Variants in ULK4 observed in about 807,000 individuals in gnomAD.
The protein encoded by ULK4 is unc-51 like kinase 4, also known as inactive serine/threonine-protein kinase ULK4.
In ULK4, 133 loss-of-function variants were observed where a neutral mutation model predicts 160.6. The ratio of observed to expected loss-of-function variants is 0.83; its 90% CI spans 0.72 to 0.96. The LOEUF (loss-of-function observed/expected upper bound fraction) is 0.96, where lower values mean the gene tolerates loss of function less well. ULK4 is among the 40% of genes least tolerant of loss of function. The pLI, the probability that ULK4 is intolerant of heterozygous loss-of-function variation, is 0.00. For synonymous variants in ULK4, 534 were observed against 539.8 expected (o/e 0.99, Z 0.15); for missense variants, 1,580 against 1,499.5 (o/e 1.05, Z -0.89).
intron 35 of ULK4, among the ~76,000 whole-genome samples, chr3:41,291,335 A>AGAAG (rs1261867631): frequency 6.6e-6 from 1 of 150,830 alleles, no homozygotes; most frequent in Non-Finnish European, 1.5e-5. Flanking sequence ...AGAAAGAGAA[A>AGAAG]GAAGGAAGGA....
intron 2 of ULK4, among the ~76,000 whole-genome samples, chr3:41,947,575 T>G (rs1220333206): frequency 1.3e-5 from 2 of 152,198 alleles, no homozygotes; most frequent in Non-Finnish European, 2.9e-5. Context: ...AGGATGATAC[T>G]GACATCATAG....
intron 32 of ULK4, among the ~76,000 whole-genome samples, chr3:41,504,376 T>G (rs1323196756): frequency 1.3e-5 from 2 of 152,208 alleles, no homozygotes; most frequent in Non-Finnish European, 2.9e-5. Flanking sequence ...GCAGCTGAAA[T>G]TAGTTCTCAA....
chr3:41,718,774 A>G (rs2037356517), intron 22 of ULK4, among the ~76,000 whole-genome samples: 1 of 152,216 alleles, frequency 6.6e-6, no homozygotes, highest in South Asian at 2.1e-4. Context: ...TTTATACATA[A>G]TATACATATA....
chr3:41,363,438 T>C (rs2081188129), intron 35 of ULK4, among the ~76,000 whole-genome samples: 1 of 152,178 alleles, frequency 6.6e-6, no homozygotes, highest in Non-Finnish European at 1.5e-5. Context: ...GCTGGGAGGT[T>C]CTGGCCTGGG....
At position 41,400,426 on chromosome 3, in the gene ULK4, A is replaced by T. The variant is rs114459946; in HGVS notation, c.3493-2162T>A. 2.5e-3 allele frequency among the ~76,000 whole-genome samples: 377 copies of T among 152,272 alleles called. 1 individual carries two copies. Among genetic ancestry groups the T allele is most frequent in the African/African-American group, 8.4e-3 (348 of 41,558 alleles). ...GCCATTTTGTCATTTCAAGTATGTT[A>T]CATACATGGAATCACACTGTATATA... On this transcript the variant is annotated intron_variant, in intron 34 of 36. Transcript: ENST00000301831.
intron 33 of ULK4, among the ~76,000 whole-genome samples, chr3:41,459,885 C>T (rs1365771722): frequency 2.0e-5 from 3 of 152,072 alleles, no homozygotes; most frequent in Non-Finnish European, 4.4e-5. Context: ...CTTTGAATGT[C>T]TCAGCAAGGA....
At chr3:41,901,219 C>T (rs961224245) in intron 12 of ULK4, among the ~76,000 whole-genome samples, 1 of 144,514 alleles carries the variant, frequency 6.9e-6, no homozygotes, top group Non-Finnish European at 1.5e-5. Flanking sequence ...TCGCTCTGTC[C>T]CCCAGGCTGG....
At chr3:41,586,621 T>C (rs963172264) in intron 31 of ULK4, among the ~76,000 whole-genome samples, 4 of 152,130 alleles carry the variant, frequency 2.6e-5, no homozygotes, top group East Asian at 1.9e-4. Flanking sequence ...CATTTAAAAA[T>C]TGTTAAAATG....
chr3:41,855,369 G>A (rs1004465659), intron 17 of ULK4, among the ~76,000 whole-genome samples: 1 of 152,204 alleles, frequency 6.6e-6, no homozygotes, highest in Non-Finnish European at 1.5e-5. Flanking sequence ...CTGCCACACT[G>A]TTGTGGCAGG....
intron 35 of ULK4, among the ~76,000 whole-genome samples, chr3:41,373,165 C>T (rs1052735196): frequency 1.3e-5 from 2 of 152,192 alleles, no homozygotes; most frequent in Non-Finnish European, 2.9e-5. Flanking sequence ...TACAAAGAGA[C>T]TTAGACTGCC....
intron 35 of ULK4, among the ~76,000 whole-genome samples, chr3:41,269,486 T>G (rs979544549): frequency 1.3e-5 from 2 of 151,972 alleles, no homozygotes; most frequent in African/African-American, 4.8e-5. Flanking sequence ...CTCCCTTAAT[T>G]GAGGATATTA....
intron 31 of ULK4, among the ~76,000 whole-genome samples, chr3:41,572,703 T>G (rs2088022932): frequency 6.6e-6 from 1 of 150,772 alleles, no homozygotes; most frequent in South Asian, 2.1e-4. Flanking sequence ...GAGGCGGAGC[T>G]TGCAATGGGC....
At chr3:41,473,661 CAAAGAAAAA>C (rs1316012592) in intron 32 of ULK4, among the ~76,000 whole-genome samples, 1 of 25,292 alleles carries the variant, frequency 4.0e-5, no homozygotes, top group Non-Finnish European at 7.2e-5. Context: ...GATTCTGTCT[CAAAGAAAAA>C]AAAAAAAAAA....
At chr3:41,320,810 A>G (rs1300471943) in intron 35 of ULK4, among the ~76,000 whole-genome samples, 4 of 152,104 alleles carry the variant, frequency 2.6e-5, no homozygotes, top group Non-Finnish European at 5.9e-5. Context: ...CCAGCTACTC[A>G]GGAGGCTGAG....
chr3:41,465,687 T>G (rs889374490), intron 32 of ULK4, among the ~76,000 whole-genome samples: 15 of 152,328 alleles, frequency 9.8e-5, no homozygotes, highest in African/African-American at 3.1e-4. Context: ...AATTGGTAAT[T>G]GCACCTAGAG....
chr3:41,358,629 T>C (rs1391890060), intron 35 of ULK4, among the ~76,000 whole-genome samples: 3 of 152,094 alleles, frequency 2.0e-5, no homozygotes, highest in African/African-American at 7.2e-5. Flanking sequence ...ACAAGTATAC[T>C]TGGTGTGCCT....
At chr3:41,531,141 A>G (rs981866299) in intron 32 of ULK4, among the ~76,000 whole-genome samples, 1 of 150,414 alleles carries the variant, frequency 6.6e-6, no homozygotes, top group Non-Finnish European at 1.5e-5. Flanking sequence ...ACACAGTAGT[A>G]AAGAAATAAA....
chr3:41,653,594 A>G (rs1210974074), intron 30 of ULK4, among the ~76,000 whole-genome samples: 3 of 152,368 alleles, frequency 2.0e-5, no homozygotes, highest in East Asian at 3.9e-4. Flanking sequence ...TCACATGAAT[A>G]AAGACCAAAA....
intron 25 of ULK4, among the ~76,000 whole-genome samples, chr3:41,710,999 G>A (rs566014186): frequency 5.3e-5 from 8 of 152,198 alleles, no homozygotes; most frequent in East Asian, 1.9e-4. Context: ...GCCGACAAGC[G>A]GATGCTGACA....
Sources: allele counts gnomAD v4.1 joint callset (sites outside exome capture counted in the v4.1 genomes callset), GRCh38; gene constraint gnomAD v4.1.1; transcripts MANE v1.5; gene names NCBI Gene and HGNC (gene_info 2026-07-23, HGNC 2026-07-21).